The following C1QTNF9B variants were observed in gnomAD, a reference collection of about 807,000 sequenced individuals.
C1QTNF9B encodes complement C1q and tumor necrosis factor-related protein 9B.
A neutral mutation model predicts 10.1 loss-of-function variants in C1QTNF9B; 9 were observed. The ratio of observed to expected loss-of-function variants is 0.89; its 90% CI spans 0.53 to 1.55. C1QTNF9B has a LOEUF of 1.55. C1QTNF9B is among the 40% of genes most tolerant of loss of function. The pLI, the probability that C1QTNF9B is intolerant of heterozygous loss-of-function variation, is 0.00. For missense variants in C1QTNF9B, 196 were observed against 414.4 expected, an observed-to-expected ratio of 0.47 and a Z score of 4.58; for synonymous variants, 79 against 159.9, an observed-to-expected ratio of 0.49 and a Z score of 3.82.
chr13:23,893,588 T>A (rs1872093665), intron 2 of C1QTNF9B, among the ~76,000 whole-genome samples: 1 of 152,190 alleles, frequency 6.6e-6, no homozygotes, highest in African/African-American at 2.4e-5. Context: ...TCCTCCCATC[T>A]CAGCCTCCTG....
intron 1 of C1QTNF9B, 69 bp from the exon 4 acceptor site, chr13:23,894,270 C>T: frequency 7.9e-7 from 1 of 1,273,574 alleles, no homozygotes; most frequent in South Asian, 1.2e-5. Context: ...CATTGGTCTC[C>T]ATCAGCCATG....
intron 2 of C1QTNF9B, among the ~76,000 whole-genome samples, chr13:23,893,675 G>A (rs1872097310): frequency 1.3e-5 from 2 of 152,092 alleles, no homozygotes; most frequent in Non-Finnish European, 2.9e-5. Flanking sequence ...TTACTATGTT[G>A]CCCAGGGTGG....
intron 2 of C1QTNF9B, among the ~76,000 whole-genome samples, chr13:23,893,311 A>G (rs1192144779): frequency 1.3e-5 from 2 of 152,090 alleles, no homozygotes; most frequent in Non-Finnish European, 2.9e-5. Flanking sequence ...TTCTAGTGCC[A>G]CCTCCTCCAT....
At chr13:23,897,329 A>ACTTATCT, upstream of C1QTNF9B, 1 of 388,050 alleles carries the variant, frequency 2.6e-6, no homozygotes, top group Non-Finnish European at 4.6e-6. Context: ...ACCAATGCTT[A>ACTTATCT]CTTATCTCAC....
intron 1 of C1QTNF9B, chr13:23,894,435 C>A: frequency 1.6e-6 from 1 of 642,518 alleles, no homozygotes; most frequent in Non-Finnish European, 2.9e-6. Flanking sequence ...CCCAAGCGCC[C>A]ATCTCTAGGA....
At position 23,891,461 on chromosome 13, in the gene C1QTNF9B, C is replaced by T. The variant is rs3864969; in HGVS notation, c.830G>A (p.Arg277Lys). The change falls in exon 3 of 3, where the codon AGA becomes AAA. Residue 277 changes from arginine to lysine, a missense_variant. By Grantham distance (26) the Arg-to-Lys change is conservative. Around this residue, in one of 5 missense-constraint regions of C1QTNF9B, gnomAD observed 72 missense variants for 87.1 expected, o/e 0.83. Coordinates refer to ENST00000382137, the Ensembl canonical transcript of C1QTNF9B. ...GTCCTCAGAGCTCACGTAAGCATCT[C>T]TGGTGTGCAGTATTTTTACTCCGTT... is the stretch of plus-strand genomic sequence containing the variant. 2,453 of 1,569,464 alleles carry T rather than the reference C, an allele frequency of 1.6e-3. 294 individuals are homozygous for T. The African/African-American group carries it at 0.027, about 17-fold the overall frequency.
At position 23,892,069 on chromosome 13, in the gene C1QTNF9B, G is replaced by C. The variant is rs780075146; in HGVS notation, c.230-8C>G. 5.0e-6 allele frequency: 8 copies of C among 1,612,594 alleles called. No individual in the cohort carries two copies. Among genetic ancestry groups the C allele is most frequent in the African/African-American group, 1.3e-5 (1 of 74,720 alleles). On this transcript the variant is annotated splice_region_variant and splice_polypyrimidine_tract_variant and intron_variant, in intron 2 of 2. Coordinates refer to ENST00000382137, the Ensembl canonical transcript of C1QTNF9B. Reference sequence around the variant, plus strand: ...CAACTTTTCCATCTGCTCCTAAATAGAGAAAGAGCAAATAAAGAGATAGTT... The same window carrying C: ...CAACTTTTCCATCTGCTCCTAAATACAGAAAGAGCAAATAAAGAGATAGTT...
chr13:23,891,398 C>T (rs140860568), exon 3 of C1QTNF9B: 42,239 of 1,581,570 alleles, frequency 0.027, 5,436 homozygotes, highest in Non-Finnish European at 0.031. Context: ...CATCTCATCC[C>T]CGAGCTTCAG....
At chr13:23,896,753 G>C (rs1872216457) in intron 1 of C1QTNF9B, 68 bp downstream of exon 3, 1 of 1,594,808 alleles carries the variant, frequency 6.3e-7, no homozygotes, top group African/African-American at 1.3e-5. Flanking sequence ...CCACACAGAT[G>C]ATGAGTGAAT....
chr13:23,891,614 A>C (rs1225401917), exon 3 of C1QTNF9B: 1 of 1,612,672 alleles, frequency 6.2e-7, no homozygotes, highest in African/African-American at 1.3e-5. Flanking sequence ...ATTATACAGG[A>C]TCTTATCAAA....
intron 2 of C1QTNF9B, among the ~76,000 whole-genome samples, chr13:23,892,706 GACAC>G (rs113533575): frequency 6.6e-6 from 1 of 151,636 alleles, no homozygotes; most frequent in Non-Finnish European, 1.5e-5. Flanking sequence ...TGTGCACATG[GACAC>G]ACACACACAC....
chr13:23,894,290 G>T, intron 1 of C1QTNF9B, 89 bp from the exon 4 acceptor site: 1 of 1,185,264 alleles, frequency 8.4e-7, no homozygotes, highest in South Asian at 1.2e-5. Flanking sequence ...GTGTTGGAGA[G>T]TCTGGGGGTG....
At chr13:23,895,785 A>ACACACC (rs973415291) in intron 1 of C1QTNF9B, among the ~76,000 whole-genome samples, 1 of 151,810 alleles carries the variant, frequency 6.6e-6, no homozygotes, top group African/African-American at 2.4e-5. Context: ...ACACACACAC[A>ACACACC]CCACTGTGGT....
intron 1 of C1QTNF9B, 149 bp from the exon 4 acceptor site, chr13:23,894,350 G>C: frequency 2.6e-6 from 2 of 778,640 alleles, no homozygotes; most frequent in Non-Finnish European, 4.3e-6. Context: ...CAGGTGGAGA[G>C]AGGCAGGCAT....
chr13:23,891,236 C>A (rs943686469), exon 3 of C1QTNF9B: 4 of 1,401,768 alleles, frequency 2.9e-6, no homozygotes, highest in South Asian at 3.1e-5. Context: ...TGAATAAGTT[C>A]ATCCCAAGCT....
rs112174135 is a variant in C1QTNF9B, at chr13:23,896,478, A to T, written c.166+343T>A. Among the ~76,000 whole-genome samples, 47 of 152,208 alleles carry T rather than the reference A, an allele frequency of 3.1e-4. 1 individual carries two copies. The highest frequency in any genetic ancestry group is 6.2e-4 in the South Asian group (3 of 4,812). The stretch of plus-strand genomic sequence containing the variant: ...TTGGCCTCGTGTTGCCAAAAATCCA[A>T]CATACCTGTCACCTGAGGTGGGAGG... On this transcript the variant is annotated intron_variant, in intron 1 of 2. Coordinates refer to ENST00000382137, the Ensembl canonical transcript of C1QTNF9B.
intron 2 of C1QTNF9B, among the ~76,000 whole-genome samples, chr13:23,893,135 C>A (rs578001160): frequency 6.6e-6 from 1 of 152,312 alleles, no homozygotes; most frequent in African/African-American, 2.4e-5. Flanking sequence ...GGACGTCAGA[C>A]GAGCTAGTGA....
At chr13:23,897,359 A>C (rs533210499), upstream of C1QTNF9B, 16 of 318,760 alleles carry the variant, frequency 5.0e-5, no homozygotes, top group East Asian at 8.5e-4. Context: ...GTAAAAATCA[A>C]ATTTTATCAC....
In C1QTNF9B at chr13:23,891,593, T is replaced by C. The variant is rs781394815; in HGVS notation, c.698A>G (p.His233Arg). The change falls in exon 3 of 3, where the codon CAT (histidine) becomes CGT (arginine). Residue 233 changes from histidine (H) to arginine (R), a missense_variant. His to Arg is a conservative substitution (Grantham distance 29). This residue lies in a region of C1QTNF9B where 28 missense variants were observed against 74.9 expected (regional missense o/e 0.37). Transcript: ENST00000382137. ...GAATTTCCCCACTGCTGTATCATAATGGTTGAATTCATTATACAGGATCTT... is the reference window on the plus strand; with the variant it reads ...GAATTTCCCCACTGCTGTATCATAACGGTTGAATTCATTATACAGGATCTT... 4 of 1,598,618 alleles carry C rather than the reference T, an allele frequency of 2.5e-6. No homozygotes were observed. Among genetic ancestry groups the C allele is most frequent in the Non-Finnish European group, 2.6e-6 (3 of 1,168,110 alleles).
Sources: gnomAD v4.1 joint callset for allele counts (sites outside exome capture counted in the v4.1 genomes callset) on GRCh38, gnomAD v4.1.1 for gene constraint, gnomAD v4.1.1 regional missense constraint, MANE v1.5 for transcripts, NCBI Gene and HGNC (gene_info 2026-07-23, HGNC 2026-07-21) for gene names.